NAV2: variants seen among roughly 807,000 people sequenced by gnomAD.
The protein encoded by NAV2 is neuron navigator 2.
A neutral mutation model predicts 223.2 loss-of-function variants in NAV2; 54 were observed. The ratio of observed to expected loss-of-function variants is 0.24; its 90% CI spans 0.19 to 0.30. The LOEUF (loss-of-function observed/expected upper bound fraction) is 0.30, where lower values mean the gene tolerates loss of function less well. NAV2 is among the 10% of genes least tolerant of loss of function. NAV2 has a pLI of 1.00. For missense variants in NAV2, 2,806 were observed against 3,147.5 expected, an observed-to-expected ratio of 0.89 and a Z score of 2.60; for synonymous variants, 1,279 against 1,239.3, an observed-to-expected ratio of 1.03 and a Z score of -0.67.
At chr11:19,408,591 C>T (rs2729916) in intron 1 of NAV2, among the ~76,000 whole-genome samples, 65,535 of 152,026 alleles carry the variant, frequency 0.43, 14,542 homozygotes, top group East Asian at 0.63. Context: ...CTGCAATATA[C>T]TTACGCCTGC....
intron 1 of NAV2, among the ~76,000 whole-genome samples, chr11:19,535,980 A>G (rs2044175204): frequency 6.6e-6 from 1 of 152,204 alleles, no homozygotes; most frequent in South Asian, 2.1e-4. Flanking sequence ...AAACAGAAGC[A>G]GAAGAGCCAA....
chr11:20,118,727 G>A lies in NAV2; in HGVS notation c.*469G>A, dbSNP rs568556908. On this transcript the variant is annotated 3_prime_UTR_variant, in exon 38 of 38. Coordinates refer to ENST00000349880, the MANE Select transcript of NAV2 (RefSeq NM_145117.5). ...CCCTCAGCACAGACCCTCCAGACTG[G>A]GTCTCAGAGCCGTGCCACCCACCCT... 1.6e-4 allele frequency: 26 copies of A among 167,204 alleles called. No individual in the cohort carries two copies. The highest frequency in any genetic ancestry group is 1.7e-4 in the South Asian group (1 of 5,786). The allele number at this position is 167,204 out of a possible 1,614,324, so 10.4% of individuals were successfully genotyped here. A position where few individuals can be genotyped will look rare whatever the true frequency, so the allele number is the denominator to read the frequency against.
At chr11:20,062,685 G>GTTTC (rs1023870286) in intron 20 of NAV2, among the ~76,000 whole-genome samples, 3 of 152,148 alleles carry the variant, frequency 2.0e-5, no homozygotes, top group African/African-American at 4.8e-5. Flanking sequence ...GTCTGCCTCA[G>GTTTC]TTTCTTTCTT....
chr11:19,639,232 G>A (rs2047590549), intron 1 of NAV2, among the ~76,000 whole-genome samples: 1 of 152,156 alleles, frequency 6.6e-6, no homozygotes, highest in Non-Finnish European at 1.5e-5. Context: ...CCCCGACATA[G>A]TCCACTTCAG....
intron 4 of NAV2, among the ~76,000 whole-genome samples, chr11:19,875,026 A>C (rs566926020): frequency 6.6e-5 from 10 of 152,288 alleles, no homozygotes; most frequent in African/African-American, 2.4e-4. Context: ...GCGTGGTGGC[A>C]TGCACCTATA....
At position 19,832,472 on chromosome 11, in the gene NAV2, C is replaced by CT. The variant is rs11413238; in HGVS notation, c.268-5dup. The CT allele has an allele frequency of 8.3e-3, 13,075 of 1,583,822 alleles. 875 individuals carry two copies. In the African/African-American group the frequency reaches 0.17, roughly 20 times the overall value. On this transcript the variant is annotated splice_polypyrimidine_tract_variant and intron_variant, in intron 1 of 37. Transcript: ENST00000349880. The stretch of plus-strand genomic sequence containing the variant: ...CTGGCTTCCTAAAGTTGCCTGTTTG[C>CT]TTTTTTTACAGATCTACACAGACTG...
chr11:19,906,763 T>A lies in NAV2; in HGVS notation c.931+14169T>A, dbSNP rs58146001. 2.5e-3 allele frequency among the ~76,000 whole-genome samples: 374 copies of A among 152,296 alleles called. 4 individuals are homozygous for A. The highest frequency in any genetic ancestry group is 8.5e-3 in the African/African-American group (355 of 41,572). On this transcript the variant is annotated intron_variant, in intron 6 of 37. Coordinates refer to ENST00000349880, the MANE Select transcript of NAV2 (RefSeq NM_145117.5). ...CACCACTTGCTTTATGAGGCCCCTGTGGCCAAGGAAAGAAGGTAGGAACCA... is the reference window on the plus strand; with the variant it reads ...CACCACTTGCTTTATGAGGCCCCTGAGGCCAAGGAAAGAAGGTAGGAACCA...
intron 1 of NAV2, among the ~76,000 whole-genome samples, chr11:19,597,655 ATTAG>A (rs1241053133): frequency 3.9e-5 from 6 of 152,350 alleles, no homozygotes; most frequent in African/African-American, 1.4e-4. Flanking sequence ...GTAAGTCCCA[ATTAG>A]TTGCTTGTTA....
At chr11:19,757,807 T>C (rs2054360171) in intron 1 of NAV2, among the ~76,000 whole-genome samples, 1 of 152,188 alleles carries the variant, frequency 6.6e-6, no homozygotes, top group African/African-American at 2.4e-5. Flanking sequence ...TGTTATAATC[T>C]CTATTTTACA....
chr11:20,056,012 C>T, intron 19 of NAV2, 55 bp downstream of exon 19: 1 of 1,531,878 alleles, frequency 6.5e-7, no homozygotes, highest in East Asian at 2.3e-5. Context: ...CCAGGTTACT[C>T]AGTGTAGTTA....
At chr11:19,811,672 T>C (rs181489980) in intron 1 of NAV2, among the ~76,000 whole-genome samples, 30 of 152,324 alleles carry the variant, frequency 2.0e-4, no homozygotes, top group East Asian at 1.9e-3. Flanking sequence ...GTTTCTGGCA[T>C]GACAGAAAGC....
intron 1 of NAV2, among the ~76,000 whole-genome samples, chr11:19,733,185 G>A (rs923767783): frequency 3.3e-5 from 5 of 152,326 alleles, no homozygotes; most frequent in African/African-American, 1.2e-4. Context: ...ATGGTTGAAG[G>A]TCAGGGAAGG....
chr11:19,587,161 A>G (rs976107380), intron 1 of NAV2, among the ~76,000 whole-genome samples: 2 of 152,142 alleles, frequency 1.3e-5, no homozygotes, highest in African/African-American at 4.8e-5. Context: ...CTCTGTGGGC[A>G]TAGGACCCTC....
intron 30 of NAV2, 38 bp from the exon 31 acceptor site, chr11:20,097,539 A>G: frequency 2.6e-6 from 4 of 1,514,048 alleles, no homozygotes; most frequent in Non-Finnish European, 3.5e-6. Flanking sequence ...GATTTTAGCC[A>G]CATCTTTGAT....
intron 1 of NAV2, among the ~76,000 whole-genome samples, chr11:19,735,405 A>G (rs905171585): frequency 2.6e-5 from 4 of 152,184 alleles, no homozygotes; most frequent in Admixed American, 6.5e-5. Flanking sequence ...ATTCCTTTTC[A>G]GCCCCCAAAG....
At chr11:19,836,427 G>A (rs1317444195) in intron 2 of NAV2, among the ~76,000 whole-genome samples, 1 of 151,878 alleles carries the variant, frequency 6.6e-6, no homozygotes, top group Non-Finnish European at 1.5e-5. Context: ...CGCGGTGGCG[G>A]GCGCCTGTAG....
intron 1 of NAV2, among the ~76,000 whole-genome samples, chr11:19,675,469 A>G (rs142799799): frequency 1.1e-4 from 16 of 152,316 alleles, no homozygotes; most frequent in African/African-American, 3.4e-4. Context: ...GTGTCCAACT[A>G]TATGAGGCAT....
intron 11 of NAV2, among the ~76,000 whole-genome samples, chr11:19,991,977 C>T (rs1413804593): frequency 6.6e-6 from 1 of 152,100 alleles, no homozygotes. Context: ...CTATTAGTGC[C>T]CCTGAGCATT....
At chr11:20,080,319 C>A in intron 25 of NAV2, 110 bp downstream of exon 25, 1 of 1,037,638 alleles carries the variant, frequency 9.6e-7, no homozygotes, top group Non-Finnish European at 1.4e-6. Context: ...TGGAACATAG[C>A]ACTTTGGGCG....
Sources: gnomAD v4.1 joint callset for allele counts (sites outside exome capture counted in the v4.1 genomes callset) on GRCh38, gnomAD v4.1.1 for gene constraint, MANE v1.5 for transcripts, NCBI Gene and HGNC (gene_info 2026-07-23, HGNC 2026-07-21) for gene names.